The following ZFPM2 variants were observed in gnomAD, a reference collection of about 807,000 sequenced individuals.
ZFPM2 encodes zinc finger protein, FOG family member 2.
ZFPM2 carries 20 observed loss-of-function variants against 98.6 expected under a neutral mutation model. The observed-to-expected ratio is 0.20, with a 90% confidence interval of 0.14 to 0.29. ZFPM2 has a LOEUF of 0.29. Ranked by LOEUF, ZFPM2 falls within the 10% of genes least tolerant of loss-of-function variation. The pLI is 1.00. For missense variants in ZFPM2, 1,310 were observed against 1,388.6 expected, an observed-to-expected ratio of 0.94 and a Z score of 0.90; for synonymous variants, 518 against 502.7, an observed-to-expected ratio of 1.03 and a Z score of -0.41.
chr8:105,713,441 T>C (rs539969893), intron 5 of ZFPM2, among the ~76,000 whole-genome samples: 112 of 152,188 alleles, frequency 7.4e-4, no homozygotes, highest in Admixed American at 1.2e-3. Context: ...AGTTGCATAA[T>C]TTGCAGATAC....
intron 3 of ZFPM2, among the ~76,000 whole-genome samples, chr8:105,469,763 A>G (rs1375940023): frequency 6.6e-6 from 1 of 152,210 alleles, no homozygotes; most frequent in Admixed American, 6.5e-5. Flanking sequence ...AGTCTCATAG[A>G]ACACTATGAT....
At chr8:105,502,773 A>G (rs1474404734) in intron 3 of ZFPM2, among the ~76,000 whole-genome samples, 5 of 152,202 alleles carry the variant, frequency 3.3e-5, no homozygotes, top group African/African-American at 1.2e-4. Context: ...TCCACATGAC[A>G]TTCTCATCAA....
rs1554600680 is a variant in ZFPM2 at position 105,393,337 on chromosome 8, C to CTGTCTGTCTTT, written c.41-25807_41-25806insTGTCTGTCTTT. Among the ~76,000 whole-genome samples, 284 of 114,830 alleles carry CTGTCTGTCTTT rather than the reference C, an allele frequency of 2.5e-3. 2 individuals carry two copies. Among genetic ancestry groups the CTGTCTGTCTTT allele is most frequent in the African/African-American group, 8.6e-3 (269 of 31,360 alleles). 75.3% of individuals were successfully genotyped at this position (114,830 alleles called of 152,430 possible). ...TCTTCCTTCCCTCTCTCTCTCTTTG[C>CTGTCTGTCTTT]CTTTCTTTCTTTCTTTCTTTCTTTC... On this transcript the variant is annotated intron_variant, in intron 1 of 7. Transcript: ENST00000407775.
At chr8:105,558,949 A>C (rs1406753648) in intron 3 of ZFPM2, among the ~76,000 whole-genome samples, 1 of 152,204 alleles carries the variant, frequency 6.6e-6, no homozygotes, top group Non-Finnish European at 1.5e-5. Context: ...ACTCCTAGCC[A>C]ATAGAAATTA....
chr8:105,802,123 G>A lies in ZFPM2; in HGVS notation c.2041G>A (p.Glu681Lys). 1 of 1,613,822 alleles carries A rather than the reference G, an allele frequency of 6.2e-7. No individual in the cohort carries two copies. Among genetic ancestry groups the A allele is most frequent in the Non-Finnish European group, 8.5e-7 (1 of 1,179,858 alleles). ...KNPSVPLVDG[E>K]SDPNKTTCEA... ...TCCCAGTGTCCCCTTAGTGGATGGG[G>A]AAAGTGACCCAAATAAGACTACCTG... is the stretch of plus-strand genomic sequence containing the variant. The change falls in exon 8 of 8, where the codon GAA (glutamate) becomes AAA (lysine). Residue 681 changes from glutamate to lysine, a missense_variant. Coordinates refer to ENST00000407775, the MANE Select transcript of ZFPM2 (RefSeq NM_012082.4).
At chr8:105,630,370 T>A (rs1254908175) in intron 4 of ZFPM2, among the ~76,000 whole-genome samples, 2 of 152,204 alleles carry the variant, frequency 1.3e-5, no homozygotes, top group African/African-American at 2.4e-5. Context: ...TTCTTTGAAG[T>A]CAGTCAATCT....
At chr8:105,558,192 A>G (rs1815043122) in intron 3 of ZFPM2, among the ~76,000 whole-genome samples, 1 of 152,162 alleles carries the variant, frequency 6.6e-6, no homozygotes, top group Admixed American at 6.5e-5. Flanking sequence ...CCTTTATACA[A>G]TGTTTTGTTT....
intron 6 of ZFPM2, among the ~76,000 whole-genome samples, chr8:105,790,974 C>T (rs1445925693): frequency 6.6e-6 from 1 of 152,188 alleles, no homozygotes; most frequent in East Asian, 1.9e-4. Flanking sequence ...TGCTTATCAG[C>T]TTAAGGAGAT....
intron 4 of ZFPM2, among the ~76,000 whole-genome samples, chr8:105,602,849 A>G (rs377139194): frequency 3.3e-5 from 5 of 152,232 alleles, no homozygotes; most frequent in African/African-American, 9.6e-5. Context: ...GTTCAGAGGC[A>G]TTCATGTCTT....
intron 3 of ZFPM2, among the ~76,000 whole-genome samples, chr8:105,500,525 C>G (rs566810405): frequency 7.9e-5 from 12 of 152,066 alleles, no homozygotes; most frequent in Admixed American, 7.9e-4. Context: ...AGAATCTTGA[C>G]AGCTATTGAA....
chr8:105,740,545 T>C (rs1473754144), intron 5 of ZFPM2, among the ~76,000 whole-genome samples: 1 of 146,142 alleles, frequency 6.8e-6, no homozygotes, highest in Admixed American at 6.9e-5. Flanking sequence ...ATATATATTA[T>C]ATATATATAT....
chr8:105,532,987 T>C (rs1814328559), intron 3 of ZFPM2, among the ~76,000 whole-genome samples: 1 of 152,180 alleles, frequency 6.6e-6, no homozygotes, highest in Non-Finnish European at 1.5e-5. Flanking sequence ...AGAATGATGC[T>C]TTTTATATCA....
At chr8:105,475,564 CA>C (rs1394360234) in intron 3 of ZFPM2, among the ~76,000 whole-genome samples, 1 of 152,116 alleles carries the variant, frequency 6.6e-6, no homozygotes, top group Non-Finnish European at 1.5e-5. Flanking sequence ...TTGCAAATGC[CA>C]AAAGATTTAA....
intron 3 of ZFPM2, among the ~76,000 whole-genome samples, chr8:105,453,240 A>G (rs1812522000): frequency 2.0e-5 from 3 of 152,182 alleles, no homozygotes; most frequent in Non-Finnish European, 4.4e-5. Flanking sequence ...TAAATAAACC[A>G]GAGTGGTCTC....
intron 1 of ZFPM2, among the ~76,000 whole-genome samples, chr8:105,354,239 CAGT>C (rs1178284483): frequency 7.2e-5 from 11 of 152,184 alleles, no homozygotes; most frequent in Non-Finnish European, 1.6e-4. Context: ...CTGAAATCAG[CAGT>C]AGAACAGCTG....
intron 5 of ZFPM2, among the ~76,000 whole-genome samples, chr8:105,717,161 A>G (rs1811544854): frequency 6.6e-6 from 1 of 152,070 alleles, no homozygotes; most frequent in South Asian, 2.1e-4. Context: ...CTGTCCTGAT[A>G]AGAATCTGCT....
chr8:105,326,906 A>G (rs923709264), intron 1 of ZFPM2, among the ~76,000 whole-genome samples: 1 of 150,982 alleles, frequency 6.6e-6, no homozygotes, highest in South Asian at 2.1e-4. Flanking sequence ...TAAATTTAAT[A>G]TCCCACACAA....
chr8:105,568,722 T>A (rs148391252), intron 4 of ZFPM2, among the ~76,000 whole-genome samples: 21 of 152,106 alleles, frequency 1.4e-4, no homozygotes, highest in African/African-American at 4.3e-4. Flanking sequence ...AAAGCAAAAC[T>A]ACAGTAGTCA....
chr8:105,498,863 A>G (rs955433337), intron 3 of ZFPM2, among the ~76,000 whole-genome samples: 15 of 152,314 alleles, frequency 9.8e-5, no homozygotes, highest in African/African-American at 3.1e-4. Flanking sequence ...CGTGATAAGA[A>G]GCCATTATGG....
Sources: gnomAD v4.1 joint callset for allele counts (sites outside exome capture counted in the v4.1 genomes callset) on GRCh38, gnomAD v4.1.1 for gene constraint, MANE v1.5 for transcripts, NCBI Gene and HGNC (gene_info 2026-07-23, HGNC 2026-07-21) for gene names.